Variants in PPM1L observed in about 807,000 individuals in gnomAD.
The protein encoded by PPM1L is protein phosphatase 1L.
A neutral mutation model predicts 31.4 loss-of-function variants in PPM1L; 13 were observed. The ratio of observed to expected loss-of-function variants is 0.41; its 90% CI spans 0.27 to 0.66. The LOEUF is 0.66. PPM1L is among the 30% of genes least tolerant of loss of function. The pLI is 0.29. For synonymous variants in PPM1L, 184 were observed against 175.4 expected (o/e 1.05, Z -0.39); for missense variants, 326 against 453.7 (o/e 0.72, Z 2.56).
At chr3:160,957,413 A>G (rs1026665770) in intron 1 of PPM1L, among the ~76,000 whole-genome samples, 5 of 152,152 alleles carry the variant, frequency 3.3e-5, no homozygotes, top group African/African-American at 1.2e-4. Flanking sequence ...CTTTGGGTAT[A>G]TACCCAGTAA....
At position 161,056,699 on chromosome 3, in the gene PPM1L, C is replaced by T. The variant is rs971185297; in HGVS notation, c.575-8704C>T. Among the ~76,000 whole-genome samples, 6 of 152,010 alleles carry T rather than the reference C, an allele frequency of 3.9e-5. 1 individual carries two copies. Among genetic ancestry groups the T allele is most frequent in the Non-Finnish European group, 8.8e-5 (6 of 67,984 alleles). ...AATTGAAAAGCACCTACATTTCTTTCGCTCCTACCCCAATCCTTAGCCCCT... is the reference window on the plus strand; with the variant it reads ...AATTGAAAAGCACCTACATTTCTTTTGCTCCTACCCCAATCCTTAGCCCCT... On this transcript the variant is annotated intron_variant, in intron 2 of 3. Coordinates refer to ENST00000498165, the MANE Select transcript of PPM1L (RefSeq NM_139245.4).
Position 160,948,466 on chromosome 3 carries a change from G to T in PPM1L, c.400-13270G>T, listed in dbSNP as rs577979194. 8.5e-5 allele frequency among the ~76,000 whole-genome samples: 13 copies of T among 152,256 alleles called. No individual in the cohort carries two copies. The East Asian group carries it at 1.5e-3, about 18-fold the overall frequency. ...CCACTTGCAGTCCTCGGCAGGAGGG[G>T]TCAGGTCAGTGTTCTTACCATGCCT... is the stretch of plus-strand genomic sequence containing the variant. On this transcript the variant is annotated intron_variant, in intron 1 of 3. Transcript: ENST00000498165.
At chr3:160,941,338 G>A (rs902024932) in intron 1 of PPM1L, among the ~76,000 whole-genome samples, 5 of 152,078 alleles carry the variant, frequency 3.3e-5, no homozygotes, top group Admixed American at 3.3e-4. Flanking sequence ...GAAATGTGAG[G>A]ACATGAGATT....
intron 1 of PPM1L, chr3:160,870,690 G>T (rs1412027521): frequency 6.6e-6 from 1 of 152,172 alleles, no homozygotes. Flanking sequence ...CCTTAAAGTT[G>T]TAATTAATTT....
chr3:160,774,320 A>G (rs933922889), intron 1 of PPM1L, among the ~76,000 whole-genome samples: 8 of 152,070 alleles, frequency 5.3e-5, no homozygotes, highest in Non-Finnish European at 1.2e-4. Flanking sequence ...CATGCCATAA[A>G]GATGGTACTG....
At chr3:160,940,951 C>T (rs1438632646) in intron 1 of PPM1L, among the ~76,000 whole-genome samples, 4 of 152,158 alleles carry the variant, frequency 2.6e-5, no homozygotes, top group Admixed American at 6.5e-5. Flanking sequence ...GGAGGCTATA[C>T]CCTTTAAAAC....
At chr3:160,987,429 G>T (rs6774203) in intron 2 of PPM1L, among the ~76,000 whole-genome samples, 65,434 of 151,968 alleles carry the variant, frequency 0.43, 14,735 homozygotes, top group East Asian at 0.7. Context: ...GAAAATAATG[G>T]CAAACTACAT....
At chr3:161,032,149 A>G (rs1014749271) in intron 2 of PPM1L, among the ~76,000 whole-genome samples, 1 of 152,222 alleles carries the variant, frequency 6.6e-6, no homozygotes, top group Non-Finnish European at 1.5e-5. Context: ...AGATTTCACC[A>G]AATGGTTAAA....
At chr3:161,057,244 G>A (rs2108103409) in intron 2 of PPM1L, among the ~76,000 whole-genome samples, 1 of 152,162 alleles carries the variant, frequency 6.6e-6, no homozygotes, top group African/African-American at 2.4e-5. Flanking sequence ...GCTGCTACAG[G>A]TCTCTGTTGT....
intron 2 of PPM1L, among the ~76,000 whole-genome samples, chr3:160,970,000 A>C (rs1716270325): frequency 6.6e-6 from 1 of 152,158 alleles, no homozygotes; most frequent in South Asian, 2.1e-4. Context: ...AGTTTTAATT[A>C]TTTATGCCAA....
intron 1 of PPM1L, among the ~76,000 whole-genome samples, chr3:160,893,687 T>C (rs1868107): frequency 0.33 from 50,932 of 152,050 alleles, 9,042 homozygotes; most frequent in East Asian, 0.51. Flanking sequence ...AAACAAAAAA[T>C]TATGCTATAC....
chr3:160,862,448 G>A (rs1298029523), intron 1 of PPM1L, among the ~76,000 whole-genome samples: 5 of 152,184 alleles, frequency 3.3e-5, no homozygotes, highest in Middle Eastern at 3.4e-3. Context: ...TAGCACAAGC[G>A]ACTATTAGGA....
At chr3:160,910,175 G>GTCCCCT (rs769534194) in intron 1 of PPM1L, among the ~76,000 whole-genome samples, 18 of 145,454 alleles carry the variant, frequency 1.2e-4, no homozygotes, top group African/African-American at 3.1e-4. Flanking sequence ...TTCCCTCCCT[G>GTCCCCT]TCCCCTTCCC....
At chr3:160,936,460 A>G (rs989936042) in intron 1 of PPM1L, among the ~76,000 whole-genome samples, 11 of 152,180 alleles carry the variant, frequency 7.2e-5, no homozygotes, top group Non-Finnish European at 1.6e-4. Context: ...CTAGGTAGCA[A>G]TCTAATGTTG....
At chr3:160,860,396 A>G (rs1330173643) in intron 1 of PPM1L, among the ~76,000 whole-genome samples, 1 of 152,188 alleles carries the variant, frequency 6.6e-6, no homozygotes, top group Non-Finnish European at 1.5e-5. Context: ...GAAGAAGGCA[A>G]CTGAATGTGG....
At chr3:160,928,862 A>G (rs998222822) in intron 1 of PPM1L, among the ~76,000 whole-genome samples, 10 of 152,258 alleles carry the variant, frequency 6.6e-5, no homozygotes, top group African/African-American at 2.4e-4. Flanking sequence ...TTCCAGAACT[A>G]TGAGATAATA....
At chr3:160,900,846 A>G (rs974730951) in intron 1 of PPM1L, among the ~76,000 whole-genome samples, 5 of 152,170 alleles carry the variant, frequency 3.3e-5, no homozygotes, top group Non-Finnish European at 5.9e-5. Flanking sequence ...GAACAGTATG[A>G]TGATACTGTG....
chr3:160,758,086 A>G (rs1413678021), intron 1 of PPM1L, among the ~76,000 whole-genome samples: 1 of 152,182 alleles, frequency 6.6e-6, no homozygotes, highest in Non-Finnish European at 1.5e-5. Context: ...AGTTTTTGCC[A>G]TTTTCCATCC....
intron 1 of PPM1L, among the ~76,000 whole-genome samples, chr3:160,870,840 G>A (rs2108029244): frequency 6.6e-6 from 1 of 152,298 alleles, no homozygotes; most frequent in South Asian, 2.1e-4. Flanking sequence ...ATGTTGTAGA[G>A]TGGTTTTAGC....
Sources: allele counts gnomAD v4.1 joint callset (sites outside exome capture counted in the v4.1 genomes callset), GRCh38; gene constraint gnomAD v4.1.1; transcripts MANE v1.5; gene names NCBI Gene and HGNC (gene_info 2026-07-23, HGNC 2026-07-21).